Variants in GSG1L observed in about 807,000 individuals in gnomAD.
The protein encoded by GSG1L is germ cell-specific gene 1-like protein.
GSG1L carries 24 observed loss-of-function variants against 42.1 expected under a neutral mutation model. The observed-to-expected ratio is 0.57, with a 90% confidence interval of 0.41 to 0.80. The LOEUF (loss-of-function observed/expected upper bound fraction) is 0.80. Among genes scored for constraint, GSG1L ranks in the 30% least tolerant of loss-of-function variants. The pLI is 0.00. For synonymous variants in GSG1L, 215 were observed against 203.5 expected, an observed-to-expected ratio of 1.06 and a Z score of -0.48; for missense variants, 445 against 472.2, an observed-to-expected ratio of 0.94 and a Z score of 0.53.
At chr16:27,961,834 G>T (rs943121921) in intron 2 of GSG1L, among the ~76,000 whole-genome samples, 76 of 152,288 alleles carry the variant, frequency 5.0e-4, no homozygotes, top group South Asian at 4.2e-4. Flanking sequence ...CTGCTGGGGG[G>T]TAGGGAGTCC....
intron 5 of GSG1L, among the ~76,000 whole-genome samples, chr16:27,818,860 CAGA>C (rs1036129515): frequency 1.1e-4 from 16 of 151,800 alleles, no homozygotes; most frequent in African/African-American, 3.6e-4. Context: ...GAAAATAACA[CAGA>C]AGGAGATAAA....
intron 1 of GSG1L, among the ~76,000 whole-genome samples, chr16:28,014,133 A>G (rs2085754554): frequency 6.6e-6 from 1 of 152,230 alleles, no homozygotes; most frequent in African/African-American, 2.4e-5. Context: ...AGCCTGAGAA[A>G]GGGACAGGGA....
chr16:27,926,579 C>T (rs1488952565), intron 2 of GSG1L, among the ~76,000 whole-genome samples: 1 of 152,074 alleles, frequency 6.6e-6, no homozygotes, highest in Non-Finnish European at 1.5e-5. Context: ...GATCCCACTA[C>T]TCTGGGGGCT....
At chr16:27,944,558 G>A (rs1194005415) in intron 2 of GSG1L, among the ~76,000 whole-genome samples, 1 of 151,458 alleles carries the variant, frequency 6.6e-6, no homozygotes, top group African/African-American at 2.4e-5. Context: ...GGAGGTGGAG[G>A]TTGCAGTGAG....
Position 27,791,403 on chromosome 16 carries a change from G to T in GSG1L, c.963C>A (p.Asn321Lys), listed in dbSNP as rs780519180. The T allele has an allele frequency of 5.3e-6, 8 of 1,522,308 alleles. No individual in the cohort carries two copies. The Admixed American group carries it at 5.9e-5, about 11-fold the overall frequency. The allele number at this position is 1,522,308 out of a possible 1,614,324, so 94.3% of individuals were successfully genotyped here. A position where few individuals can be genotyped will look rare whatever the true frequency, so the allele number is the denominator to read the frequency against. Reference sequence around the variant, plus strand: ...AGTGCCCCAAGACCCAGCACTGTCGGTTCAGCTCTGGTGCTTCCTGTGCGG... The same window carrying T: ...AGTGCCCCAAGACCCAGCACTGTCGTTTCAGCTCTGGTGCTTCCTGTGCGG... ...RSSAQEAPEL[N>K]RQCWVLGHWV Residue 321 changes from asparagine (N) to lysine (K), a missense_variant, in exon 7 of 7, where the codon AAC (asparagine) becomes AAA (lysine). By Grantham distance (94) the Asn-to-Lys change is moderately conservative (BLOSUM62 0). This residue lies in a region of GSG1L where 140 missense variants were observed against 120.6 expected (regional missense o/e 1.16). Coordinates refer to ENST00000447459, the MANE Select transcript of GSG1L (RefSeq NM_001109763.2).
intron 2 of GSG1L, among the ~76,000 whole-genome samples, chr16:27,925,896 C>T (rs1383671143): frequency 2.0e-5 from 3 of 152,222 alleles, no homozygotes; most frequent in Non-Finnish European, 4.4e-5. Flanking sequence ...GCACCTCACA[C>T]AGTGACAGCA....
chr16:28,002,356 C>A (rs984494215), intron 1 of GSG1L, among the ~76,000 whole-genome samples: 1 of 152,152 alleles, frequency 6.6e-6, no homozygotes, highest in Admixed American at 6.5e-5. Flanking sequence ...CACTGTGGCT[C>A]ACGCCTATAA....
At chr16:27,828,301 C>G (rs115149612) in intron 5 of GSG1L, among the ~76,000 whole-genome samples, 2,935 of 152,284 alleles carry the variant, frequency 0.019, 97 homozygotes, top group African/African-American at 0.067. Context: ...ATCTACCCAC[C>G]CACTGTTTAT....
intron 5 of GSG1L, among the ~76,000 whole-genome samples, chr16:27,817,763 A>G (rs1381977472): frequency 7.9e-5 from 12 of 152,248 alleles, no homozygotes; most frequent in Admixed American, 6.5e-4. Context: ...AGCAATGTCA[A>G]TTTGTTATGA....
At chr16:27,822,152 C>A (rs937426230) in intron 5 of GSG1L, among the ~76,000 whole-genome samples, 9 of 152,016 alleles carry the variant, frequency 5.9e-5, no homozygotes, top group Admixed American at 1.3e-4. Context: ...ATAATTGTAT[C>A]ATTTCATAAA....
chr16:27,791,281 A>G lies in GSG1L; in HGVS notation c.*89T>C, dbSNP rs1205266182. 2.4e-6 allele frequency: 2 copies of G among 840,846 alleles called. No homozygotes were observed. Among genetic ancestry groups the G allele is most frequent in the Non-Finnish European group, 3.4e-6 (2 of 580,914 alleles). 52.1% of individuals were successfully genotyped at this position (840,846 alleles called of 1,614,324 possible). Reference sequence around the variant, plus strand: ...TGACTGAGTTCACGGCACACAGGCCAGGGTTCTGGGGGCACCACTCTGGTG... The same window carrying G: ...TGACTGAGTTCACGGCACACAGGCCGGGGTTCTGGGGGCACCACTCTGGTG... On this transcript the variant is annotated 3_prime_UTR_variant, in exon 7 of 7. Coordinates refer to ENST00000447459, the MANE Select transcript of GSG1L (RefSeq NM_001109763.2).
At chr16:27,923,565 C>T (rs375586916) in intron 2 of GSG1L, among the ~76,000 whole-genome samples, 27 of 152,006 alleles carry the variant, frequency 1.8e-4, no homozygotes, top group Non-Finnish European at 2.1e-4. Flanking sequence ...GCCAACATGG[C>T]GAAACCCCGT....
chr16:27,828,742 G>A lies in GSG1L; in HGVS notation c.830+47C>T, dbSNP rs142671389. 12,673 of 1,579,696 alleles carry A rather than the reference G, an allele frequency of 8.0e-3. 61 individuals are homozygous for A. The highest frequency in any genetic ancestry group is 0.013 in the Middle Eastern group (79 of 5,912). On this transcript the variant is annotated intron_variant, in intron 5 of 6. Transcript: ENST00000447459. ...GGTGGCCACTGAGGCCAGGCCGTGGGCTTTAGAGTCCCCGTGGTGGCCAGA... is the reference window on the plus strand; with the variant it reads ...GGTGGCCACTGAGGCCAGGCCGTGGACTTTAGAGTCCCCGTGGTGGCCAGA...
intron 4 of GSG1L, among the ~76,000 whole-genome samples, chr16:27,843,290 C>T (rs1645352): frequency 0.33 from 49,354 of 151,800 alleles, 8,374 homozygotes; most frequent in East Asian, 0.45. Context: ...GCTAATGCCA[C>T]GCTCTGGACC....
intron 2 of GSG1L, among the ~76,000 whole-genome samples, chr16:27,896,956 T>A (rs1481097294): frequency 6.6e-6 from 1 of 152,214 alleles, no homozygotes; most frequent in African/African-American, 2.4e-5. Flanking sequence ...CTCCGCCACC[T>A]AGGCTGAAGC....
chr16:27,791,374 A>G lies in GSG1L; in HGVS notation c.992T>C (p.Val331Ala). The G allele has an allele frequency of 7.0e-7, 1 of 1,430,172 alleles. No homozygotes were observed. The highest frequency in any genetic ancestry group is 9.2e-7 in the Non-Finnish European group (1 of 1,082,788). 88.6% of individuals were successfully genotyped at this position (1,430,172 alleles called of 1,614,324 possible). ...NRQCWVLGHW[V>A] ...CGGGCCAGGTTGAGGTCTTGGTCACACCCAGTGCCCCAAGACCCAGCACTG... is the reference window on the plus strand; with the variant it reads ...CGGGCCAGGTTGAGGTCTTGGTCACGCCCAGTGCCCCAAGACCCAGCACTG... The change falls in exon 7 of 7, where the codon GTG (valine) becomes GCG (alanine). Residue 331 changes from valine to alanine, a missense_variant. By Grantham distance (64) the Val-to-Ala change is moderately conservative. Coordinates refer to ENST00000447459, the MANE Select transcript of GSG1L (RefSeq NM_001109763.2).
At chr16:28,037,389 AAC>A (rs1054131103) in intron 1 of GSG1L, among the ~76,000 whole-genome samples, 22 of 152,320 alleles carry the variant, frequency 1.4e-4, no homozygotes, top group African/African-American at 5.3e-4. Flanking sequence ...GGATGAAGAA[AAC>A]ACAGCCTCAG....
chr16:27,905,550 C>G (rs1027849000), intron 2 of GSG1L, among the ~76,000 whole-genome samples: 2 of 152,080 alleles, frequency 1.3e-5, no homozygotes, highest in Non-Finnish European at 2.9e-5. Flanking sequence ...CTCCTGGCCT[C>G]AAGCAGTCCT....
At chr16:27,870,500 G>C (rs1210940866) in intron 3 of GSG1L, among the ~76,000 whole-genome samples, 1 of 150,850 alleles carries the variant, frequency 6.6e-6, no homozygotes, top group Admixed American at 6.6e-5. Flanking sequence ...TCTGTCCCAG[G>C]GGCCTGTTCA....
Sources: gnomAD v4.1 joint callset for allele counts (sites outside exome capture counted in the v4.1 genomes callset) on GRCh38, gnomAD v4.1.1 for gene constraint, gnomAD v4.1.1 regional missense constraint, MANE v1.5 for transcripts, NCBI Gene and HGNC (gene_info 2026-07-23, HGNC 2026-07-21) for gene names.